The following SRBD1 variants were observed in gnomAD, a reference collection of about 807,000 sequenced individuals.
The protein encoded by SRBD1 is S1 RNA binding domain 1.
SRBD1 carries 88 observed loss-of-function variants against 115.3 expected under a neutral mutation model. The ratio of observed to expected loss-of-function variants is 0.76; its 90% confidence interval spans 0.64 to 0.91. The LOEUF is 0.91. SRBD1 is among the 40% of genes least tolerant of loss of function. The probability of loss-of-function intolerance (pLI) is 0.00; values close to 1 mark genes in which losing one functional copy is unlikely to be tolerated. For missense variants in SRBD1, 1,385 were observed against 1,177.4 expected, an observed-to-expected ratio of 1.18 and a Z score of -2.58; for synonymous variants, 509 against 407.7, an observed-to-expected ratio of 1.25 and a Z score of -2.99.
intron 18 of SRBD1, among the ~76,000 whole-genome samples, chr2:45,414,979 T>C (rs1454789658): frequency 8.0e-6 from 1 of 124,614 alleles, no homozygotes; most frequent in Non-Finnish European, 1.6e-5. Context: ...GTGTATATAG[T>C]ATGTATATAC....
chr2:45,410,543 C>A (rs1667568894), intron 19 of SRBD1, among the ~76,000 whole-genome samples: 1 of 152,200 alleles, frequency 6.6e-6, no homozygotes, highest in South Asian at 2.1e-4. Context: ...CAAAAAGCTC[C>A]TAAAACCTTT....
intron 14 of SRBD1, among the ~76,000 whole-genome samples, chr2:45,509,451 C>G (rs912703697): frequency 5.9e-5 from 9 of 152,026 alleles, no homozygotes; most frequent in Non-Finnish European, 1.3e-4. Flanking sequence ...AAAAAATTAG[C>G]CGGGCGCGGT....
chr2:45,571,746 G>A (rs1673026051), intron 9 of SRBD1, among the ~76,000 whole-genome samples: 1 of 151,846 alleles, frequency 6.6e-6, no homozygotes, highest in Non-Finnish European at 1.5e-5. Context: ...TACAATGACT[G>A]AAATAAAAAT....
At chr2:45,593,611 A>C (rs1358057178) in intron 4 of SRBD1, among the ~76,000 whole-genome samples, 1 of 152,228 alleles carries the variant, frequency 6.6e-6, no homozygotes, top group East Asian at 1.9e-4. Context: ...TATAGCCTTA[A>C]TCATCCAGGC....
At chr2:45,467,076 A>T (rs572201453) in intron 16 of SRBD1, among the ~76,000 whole-genome samples, 3 of 152,238 alleles carry the variant, frequency 2.0e-5, no homozygotes, top group Non-Finnish European at 4.4e-5. Flanking sequence ...CACAGACTAC[A>T]GGGTCCAATC....
At chr2:45,587,462 T>C (rs1331357177) in intron 4 of SRBD1, among the ~76,000 whole-genome samples, 2 of 152,054 alleles carry the variant, frequency 1.3e-5, no homozygotes, top group Non-Finnish European at 2.9e-5. Flanking sequence ...AGCAGCTCTT[T>C]CAAAGTAAAG....
At chr2:45,517,546 A>G (rs1040161922) in intron 14 of SRBD1, among the ~76,000 whole-genome samples, 2 of 152,250 alleles carry the variant, frequency 1.3e-5, no homozygotes, top group African/African-American at 4.8e-5. Context: ...TAAGTCATCA[A>G]GCATTAATCA....
At chr2:45,548,481 A>G (rs904674625) in intron 12 of SRBD1, among the ~76,000 whole-genome samples, 1 of 152,096 alleles carries the variant, frequency 6.6e-6, no homozygotes, top group African/African-American at 2.4e-5. Flanking sequence ...ATAATTAGAA[A>G]TATCTTACCA....
At chr2:45,554,091 T>C (rs1265086549) in intron 10 of SRBD1, among the ~76,000 whole-genome samples, 2 of 152,156 alleles carry the variant, frequency 1.3e-5, no homozygotes, top group Admixed American at 6.5e-5. Flanking sequence ...CCCATATCCA[T>C]ACCTTGAAGA....
At chr2:45,475,694 T>C (rs1669783713) in intron 16 of SRBD1, among the ~76,000 whole-genome samples, 1 of 152,198 alleles carries the variant, frequency 6.6e-6, no homozygotes, top group Non-Finnish European at 1.5e-5. Context: ...ACAAAACTGT[T>C]ATAGCTGTAC....
At position 45,605,452 on chromosome 2, in the gene SRBD1, C is replaced by G. The variant is rs756845336; in HGVS notation, c.1-11G>C. 9 of 1,611,912 alleles carry G rather than the reference C, an allele frequency of 5.6e-6. No homozygotes were observed. Among genetic ancestry groups the G allele is most frequent in the Non-Finnish European group, 7.6e-6 (9 of 1,178,940 alleles). On this transcript the variant is annotated splice_polypyrimidine_tract_variant and intron_variant, in intron 1 of 20. Coordinates refer to ENST00000263736, the MANE Select transcript of SRBD1 (RefSeq NM_018079.5). ...TGGCAATGATGACATCTAGAAGAAACAGAAAATAAAATCAGCAACACTTGA... is the reference window on the plus strand; with the variant it reads ...TGGCAATGATGACATCTAGAAGAAAGAGAAAATAAAATCAGCAACACTTGA...
At chr2:45,609,153 C>T (rs2104275538) in intron 1 of SRBD1, among the ~76,000 whole-genome samples, 1 of 152,290 alleles carries the variant, frequency 6.6e-6, no homozygotes, top group South Asian at 2.1e-4. Context: ...ACATGCAATA[C>T]ACTGCACATG....
intron 9 of SRBD1, chr2:45,569,183 CTTT>C (rs1000033028): frequency 3.3e-5 from 5 of 152,140 alleles, no homozygotes; most frequent in African/African-American, 1.2e-4. Context: ...AAAACAATTA[CTTT>C]TTTATTTTTT....
At chr2:45,582,246 A>G (rs1452063747) in intron 5 of SRBD1, among the ~76,000 whole-genome samples, 3 of 152,156 alleles carry the variant, frequency 2.0e-5, no homozygotes, top group Admixed American at 2.0e-4. Flanking sequence ...ACGCTACTGG[A>G]CAGTTATTTT....
chr2:45,570,411 A>G (rs1298359138), intron 9 of SRBD1, among the ~76,000 whole-genome samples: 2 of 152,228 alleles, frequency 1.3e-5, no homozygotes, highest in Non-Finnish European at 2.9e-5. Flanking sequence ...AAGGTAATAA[A>G]GAAAACTTTA....
chr2:45,458,900 A>G (rs773770954), intron 16 of SRBD1, among the ~76,000 whole-genome samples: 1 of 151,670 alleles, frequency 6.6e-6, no homozygotes, highest in Non-Finnish European at 1.5e-5. Flanking sequence ...GGCAAATATT[A>G]TATGACCAAC....
At chr2:45,566,824 A>G (rs916724798) in intron 9 of SRBD1, among the ~76,000 whole-genome samples, 2 of 152,110 alleles carry the variant, frequency 1.3e-5, no homozygotes, top group Admixed American at 6.5e-5. Context: ...CTGTAACTAT[A>G]TATTTATGTA....
At chr2:45,508,622 T>C (rs1204973842) in intron 14 of SRBD1, among the ~76,000 whole-genome samples, 1 of 152,148 alleles carries the variant, frequency 6.6e-6, no homozygotes, top group African/African-American at 2.4e-5. Context: ...TCCAGCATTA[T>C]TTTCAGTTAA....
chr2:45,547,138 C>T (rs534626293), intron 13 of SRBD1, among the ~76,000 whole-genome samples: 4 of 152,230 alleles, frequency 2.6e-5, no homozygotes, highest in African/African-American at 9.6e-5. Flanking sequence ...CTGGAGCATT[C>T]TAAGCCATCT....
Sources: gnomAD v4.1 joint callset for allele counts (sites outside exome capture counted in the v4.1 genomes callset) on GRCh38, gnomAD v4.1.1 for gene constraint, MANE v1.5 for transcripts, NCBI Gene and HGNC (gene_info 2026-07-23, HGNC 2026-07-21) for gene names.